ZNF480: variants seen among roughly 807,000 people sequenced by gnomAD.
ZNF480 encodes the protein zinc finger protein 480.
A neutral mutation model predicts 14.4 loss-of-function variants in ZNF480; 15 were observed. The ratio of observed to expected loss-of-function variants is 1.04; its 90% confidence interval spans 0.70 to 1.60. The LOEUF is 1.60. Ranked by LOEUF, ZNF480 falls within the 40% of genes most tolerant of loss-of-function variation. ZNF480 has a pLI of 0.00. For missense variants in ZNF480, 593 were observed against 629.7 expected (o/e 0.94, Z 0.62); for synonymous variants, 218 against 215.5 (o/e 1.01, Z -0.10).
chr19:52,314,491 A>ACC (rs1477301930), intron 3 of ZNF480, among the ~76,000 whole-genome samples: 2 of 150,872 alleles, frequency 1.3e-5, no homozygotes. Flanking sequence ...AAAAAAAAAA[A>ACC]AAAAAAACCA....
In ZNF480 at chr19:52,325,713, C is replaced by T. The variant is rs1414435911; in HGVS notation, c.*2855C>T. On this transcript the variant is annotated 3_prime_UTR_variant, in exon 5 of 5. Transcript: ENST00000595962. The stretch of plus-strand genomic sequence containing the variant: ...TTCTCACTTATAAGTGGGAGCTAAA[C>T]ATTGATTACACATGGACTCAAAGAA... 1 of 152,080 alleles carries T rather than the reference C, an allele frequency of 6.6e-6. No individual in the cohort carries two copies. The highest frequency in any genetic ancestry group is 1.9e-4 in the East Asian group (1 of 5,186). 9.4% of individuals were successfully genotyped at this position (152,080 alleles called of 1,614,324 possible). A position where few individuals can be genotyped will look rare whatever the true frequency, so the allele number is the denominator to read the frequency against.
intron 1 of ZNF480, among the ~76,000 whole-genome samples, chr19:52,298,231 C>A (rs1982507131): frequency 6.6e-6 from 1 of 151,560 alleles, no homozygotes; most frequent in Non-Finnish European, 1.5e-5. Flanking sequence ...AGAGGGAGAA[C>A]CACAGCAGGT....
At position 52,315,832 on chromosome 19, in the gene ZNF480, A is replaced by G; in HGVS notation, c.200-2A>G. 1 of 1,604,760 alleles carries G rather than the reference A, an allele frequency of 6.2e-7. No homozygotes were observed. The highest frequency in any genetic ancestry group is 8.5e-7 in the Non-Finnish European group (1 of 1,175,326). On this transcript the variant is annotated splice_acceptor_variant, in intron 3 of 4. Transcript: ENST00000595962. LOFTEE classifies it high-confidence loss of function. ...CATTTTGATTTTTTTTTTTACAAACAGGAATCTCTCTTCCTGACCTGAATA... is the reference window on the plus strand; with the variant it reads ...CATTTTGATTTTTTTTTTTACAAACGGGAATCTCTCTTCCTGACCTGAATA...
At chr19:52,299,493 A>T (rs1247188486) in intron 1 of ZNF480, among the ~76,000 whole-genome samples, 1 of 152,164 alleles carries the variant, frequency 6.6e-6, no homozygotes, top group Admixed American at 6.5e-5. Flanking sequence ...CAAACATCTA[A>T]AAATTGAAGA....
chr19:52,308,037 G>T (rs190288750), intron 2 of ZNF480, among the ~76,000 whole-genome samples: 2 of 152,048 alleles, frequency 1.3e-5, no homozygotes, highest in African/African-American at 4.8e-5. Flanking sequence ...TCCATCTCCC[G>T]TTACCCAGTG....
At chr19:52,319,550 T>C (rs1983708802) in intron 4 of ZNF480, among the ~76,000 whole-genome samples, 1 of 152,200 alleles carries the variant, frequency 6.6e-6, no homozygotes, top group Non-Finnish European at 1.5e-5. Flanking sequence ...ATAATGTATC[T>C]CTGTGTGAAT....
At chr19:52,316,928 A>G (rs372088907) in intron 4 of ZNF480, among the ~76,000 whole-genome samples, 1 of 152,214 alleles carries the variant, frequency 6.6e-6, no homozygotes, top group Non-Finnish European at 1.5e-5. Flanking sequence ...TCTGTACCAC[A>G]GTTTGTTTAA....
Position 52,321,642 on chromosome 19 carries a change from C to A in ZNF480, c.392C>A (p.Ser131Tyr). The A allele has an allele frequency of 6.2e-7, 1 of 1,612,442 alleles. No homozygotes were observed. The highest frequency in any genetic ancestry group is 1.1e-5 in the South Asian group (1 of 90,784). The change falls in exon 5 of 5, where the codon TCC becomes TAC. Residue 131 changes from serine (S) to tyrosine (Y), a missense_variant. Coordinates refer to ENST00000595962, the MANE Select transcript of ZNF480 (RefSeq NM_144684.4). ...CCAATTAAAAAACAACTTGGAGTAT[C>A]CTTTCACTTACATCTGTCTGAACTG... Reference protein sequence around the residue: ...DKPIKKQLGVSFHLHLSELEL... With the variant: ...DKPIKKQLGVYFHLHLSELEL...
At position 52,321,658 on chromosome 19, in the gene ZNF480, G is replaced by C. The variant is rs769729814; in HGVS notation, c.408G>C (p.Leu136=). 1.2e-5 allele frequency: 19 copies of C among 1,613,906 alleles called. No individual in the cohort carries two copies. In the South Asian group the frequency reaches 2.0e-4, roughly 17 times the overall value. Residue 136 remains leucine (L), a synonymous_variant, in exon 5 of 5, where the codon CTG becomes CTC. Coordinates refer to ENST00000595962, the MANE Select transcript of ZNF480 (RefSeq NM_144684.4). ...TTGGAGTATCCTTTCACTTACATCT[G>C]TCTGAACTGGAGCTATTTCCAGATG... The part of the protein sequence containing the change: ...KQLGVSFHLH[L]SELELFPDER...
rs1235774356 is a variant in ZNF480, at chr19:52,325,024, A to C, written c.*2166A>C. The stretch of plus-strand genomic sequence containing the variant: ...AAATGTTTACAAACTGCATCTGACA[A>C]AGATCTAATCCAGAATCTATAAAGA... On this transcript the variant is annotated 3_prime_UTR_variant, in exon 5 of 5. Transcript: ENST00000595962. The C allele has an allele frequency of 1.3e-5, 2 of 152,220 alleles. No individual in the cohort carries two copies. The highest frequency in any genetic ancestry group is 6.5e-5 in the Admixed American group (1 of 15,278). 9.4% of individuals were successfully genotyped at this position (152,220 alleles called of 1,614,324 possible). A position where few individuals can be genotyped will look rare whatever the true frequency, so the allele number is the denominator to read the frequency against.
chr19:52,316,112 G>C, intron 4 of ZNF480, 150 bp downstream of exon 4: 3 of 658,640 alleles, frequency 4.6e-6, no homozygotes, highest in Non-Finnish European at 2.3e-6. Flanking sequence ...GAGCCTGAGA[G>C]ACAGAGCGAG....
intron 2 of ZNF480, among the ~76,000 whole-genome samples, chr19:52,310,068 CT>C (rs1346648338): frequency 4.1e-5 from 6 of 147,602 alleles, no homozygotes; most frequent in African/African-American, 1.5e-4. Flanking sequence ...TTCTTTCTTT[CT>C]TTTTGAGACA....
intron 2 of ZNF480, chr19:52,301,767 G>A (rs1256445313): frequency 2.0e-5 from 3 of 152,160 alleles, no homozygotes; most frequent in African/African-American, 7.2e-5. Flanking sequence ...AACACCGAGA[G>A]TACCTCAAAC....
intron 4 of ZNF480, among the ~76,000 whole-genome samples, chr19:52,316,606 G>C (rs1447616342): frequency 6.6e-6 from 1 of 152,086 alleles, no homozygotes; most frequent in African/African-American, 2.4e-5. Flanking sequence ...TCCTGCCTCA[G>C]CCTCCATAAG....
In ZNF480 at chr19:52,315,904, T is replaced by C. The variant is rs139188703; in HGVS notation, c.270T>C (p.Ser90=). 6.2e-7 allele frequency: 1 copy of C among 1,612,346 alleles called. No individual in the cohort carries two copies. Among genetic ancestry groups the C allele is most frequent in the East Asian group, 2.2e-5 (1 of 44,812 alleles). Residue 90 remains serine, a synonymous_variant, in exon 4 of 5, where the codon AGT becomes AGC. Coordinates refer to ENST00000595962, the MANE Select transcript of ZNF480 (RefSeq NM_144684.4). ...GGAGGGAGCCCTGGTCTGGTGAGAG[T>C]GAAGTGAAAATAGCAAAAAATTCAG... is the stretch of plus-strand genomic sequence containing the variant. The part of the protein sequence containing the change: ...EQRREPWSGE[S]EVKIAKNSDG...
chr19:52,322,733 A>G lies in ZNF480; in HGVS notation c.1483A>G (p.Ile495Val), dbSNP rs1468588355. 2 of 1,613,334 alleles carry G rather than the reference A, an allele frequency of 1.2e-6. No homozygotes were observed. Among genetic ancestry groups the G allele is most frequent in the Non-Finnish European group, 8.5e-7 (1 of 1,179,718 alleles). The stretch of plus-strand genomic sequence containing the variant: ...TGAATGTGGCAAGGTCTTCAATCGA[A>G]TTGCACACCTTGCACGACATCGGAA... ...CNECGKVFNR[I>V]AHLARHRKIH... Residue 495 changes from isoleucine to valine, a missense_variant, in exon 5 of 5, where the codon ATT (isoleucine) becomes GTT (valine). Transcript: ENST00000595962.
intron 2 of ZNF480, among the ~76,000 whole-genome samples, chr19:52,312,954 G>A (rs1330774896): frequency 6.6e-6 from 1 of 151,886 alleles, no homozygotes; most frequent in Non-Finnish European, 1.5e-5. Context: ...CTGAGTAACT[G>A]GGATTACAGG....
At chr19:52,312,278 A>T (rs1214933687) in intron 2 of ZNF480, among the ~76,000 whole-genome samples, 1 of 151,572 alleles carries the variant, frequency 6.6e-6, no homozygotes, top group Non-Finnish European at 1.5e-5. Context: ...CTCCTGCCTC[A>T]GCCTCCTGAG....
At chr19:52,308,055 C>G (rs938808062) in intron 2 of ZNF480, among the ~76,000 whole-genome samples, 5 of 152,080 alleles carry the variant, frequency 3.3e-5, no homozygotes. Context: ...GTGACATGAA[C>G]TGGGGATGAG....
Sources: gnomAD v4.1 joint callset for allele counts (sites outside exome capture counted in the v4.1 genomes callset) on GRCh38, gnomAD v4.1.1 for gene constraint, MANE v1.5 for transcripts, NCBI Gene and HGNC (gene_info 2026-07-23, HGNC 2026-07-21) for gene names.